IGSF21: variants seen among roughly 807,000 people sequenced by gnomAD.
The protein encoded by IGSF21 is immunoglobin superfamily member 21, also known as immunoglobulin superfamily member 21.
In IGSF21, 28 loss-of-function variants were observed where a neutral mutation model predicts 46.8. The ratio of observed to expected loss-of-function variants is 0.60; its 90% confidence interval spans 0.44 to 0.82. The LOEUF is 0.82. Among genes scored for constraint, IGSF21 ranks in the 40% least tolerant of loss-of-function variants. The pLI, the probability that IGSF21 is intolerant of heterozygous loss-of-function variation, is 0.00. For synonymous variants in IGSF21, 284 were observed against 273.6 expected (o/e 1.04, Z -0.38); for missense variants, 624 against 665.5 (o/e 0.94, Z 0.69).
intron 3 of IGSF21, among the ~76,000 whole-genome samples, chr1:18,302,934 A>G (rs1242842656): frequency 6.6e-6 from 1 of 152,100 alleles, no homozygotes; most frequent in Non-Finnish European, 1.5e-5. Flanking sequence ...GGCCACTGGA[A>G]CTCCCAGAAC....
At chr1:18,305,971 T>C (rs948367865) in intron 3 of IGSF21, among the ~76,000 whole-genome samples, 1 of 152,194 alleles carries the variant, frequency 6.6e-6, no homozygotes, top group African/African-American at 2.4e-5. Context: ...GCTATAGTTT[T>C]CTTTCCAGCT....
intron 3 of IGSF21, among the ~76,000 whole-genome samples, chr1:18,297,887 G>A (rs1173160063): frequency 1.3e-5 from 2 of 152,108 alleles, no homozygotes; most frequent in African/African-American, 2.4e-5. Flanking sequence ...GGATCCGGAA[G>A]GCCAACTGAA....
intron 2 of IGSF21, among the ~76,000 whole-genome samples, chr1:18,261,092 G>T (rs972552249): frequency 7.2e-5 from 11 of 152,222 alleles, no homozygotes; most frequent in Non-Finnish European, 1.5e-4. Context: ...GGAGCACCCA[G>T]CTGGGGACCC....
At position 18,228,020 on chromosome 1, in the gene IGSF21, T is replaced by C. The variant is rs776748557; in HGVS notation, c.183+10T>C. 1.3e-6 allele frequency: 2 copies of C among 1,595,604 alleles called. No individual in the cohort carries two copies. The highest frequency in any genetic ancestry group is 1.7e-5 in the Admixed American group (1 of 59,994). ...GATCGTGTGGTACCGGGTAAGTCAC[T>C]ACTACTGCCCCCTTCATGCCCATGG... On this transcript the variant is annotated intron_variant, in intron 2 of 9. Coordinates refer to ENST00000251296, the MANE Select transcript of IGSF21 (RefSeq NM_032880.5).
chr1:18,127,535 G>A (rs976090878), intron 1 of IGSF21, among the ~76,000 whole-genome samples: 11 of 152,006 alleles, frequency 7.2e-5, no homozygotes, highest in African/African-American at 2.2e-4. Context: ...GTCTGAATGA[G>A]AGCTGAGCCA....
At chr1:18,268,195 C>T (rs577866304) in intron 2 of IGSF21, among the ~76,000 whole-genome samples, 3 of 152,322 alleles carry the variant, frequency 2.0e-5, no homozygotes, top group East Asian at 3.9e-4. Context: ...TAATCTACTT[C>T]GACTGATCAT....
At chr1:18,250,804 G>A (rs2084834605) in intron 2 of IGSF21, among the ~76,000 whole-genome samples, 1 of 152,178 alleles carries the variant, frequency 6.6e-6, no homozygotes, top group African/African-American at 2.4e-5. Context: ...GCACCAGGAT[G>A]TAATGGTGAA....
intron 2 of IGSF21, among the ~76,000 whole-genome samples, chr1:18,283,329 C>A (rs1376565384): frequency 6.6e-6 from 1 of 152,236 alleles, no homozygotes; most frequent in Non-Finnish European, 1.5e-5. Flanking sequence ...CAGGGACTGC[C>A]CAGAGAGGTG....
At chr1:18,158,225 T>G (rs778300646) in intron 1 of IGSF21, among the ~76,000 whole-genome samples, 6 of 152,124 alleles carry the variant, frequency 3.9e-5, no homozygotes, top group Non-Finnish European at 7.4e-5. Context: ...CCCCTGATGG[T>G]GTTCACATCC....
intron 3 of IGSF21, among the ~76,000 whole-genome samples, chr1:18,301,252 C>T (rs1211155853): frequency 6.6e-6 from 1 of 152,222 alleles, no homozygotes; most frequent in African/African-American, 2.4e-5. Context: ...GCCATTGGAG[C>T]CAGGTCCACT....
intron 1 of IGSF21, among the ~76,000 whole-genome samples, chr1:18,172,861 T>A (rs1228665257): frequency 2.0e-5 from 3 of 152,176 alleles, no homozygotes; most frequent in Admixed American, 1.3e-4. Flanking sequence ...TGAACAGAAG[T>A]CTGCACTTTA....
At chr1:18,354,348 G>A (rs909474841) in intron 4 of IGSF21, among the ~76,000 whole-genome samples, 2 of 152,118 alleles carry the variant, frequency 1.3e-5, no homozygotes, top group Non-Finnish European at 2.9e-5. Context: ...GGTTCTTGAA[G>A]GAGCAGAGAG....
intron 4 of IGSF21, among the ~76,000 whole-genome samples, chr1:18,350,138 T>G (rs2085936767): frequency 6.6e-6 from 1 of 152,094 alleles, no homozygotes; most frequent in African/African-American, 2.4e-5. Context: ...CACTGTCCAC[T>G]TGGCTTGGCC....
intron 3 of IGSF21, among the ~76,000 whole-genome samples, chr1:18,312,002 C>G (rs1203478165): frequency 2.0e-5 from 3 of 152,192 alleles, no homozygotes; most frequent in Admixed American, 2.0e-4. Flanking sequence ...CCAGAGAGGC[C>G]TTCCCTGACC....
intron 6 of IGSF21, among the ~76,000 whole-genome samples, chr1:18,372,121 G>A (rs1202391378): frequency 6.6e-6 from 1 of 152,206 alleles, no homozygotes; most frequent in East Asian, 1.9e-4. Context: ...TGGCACATGG[G>A]CAGGGTCTTC....
At chr1:18,150,967 C>T (rs2086516792) in intron 1 of IGSF21, among the ~76,000 whole-genome samples, 1 of 152,184 alleles carries the variant, frequency 6.6e-6, no homozygotes, top group South Asian at 2.1e-4. Context: ...GGAAAAAAAG[C>T]AGGGGTGGTG....
At chr1:18,272,935 C>T (rs1024815417) in intron 2 of IGSF21, among the ~76,000 whole-genome samples, 1 of 152,004 alleles carries the variant, frequency 6.6e-6, no homozygotes, top group Non-Finnish European at 1.5e-5. Context: ...AGCCTCTGTC[C>T]ACTTTATGCT....
intron 3 of IGSF21, among the ~76,000 whole-genome samples, chr1:18,329,796 T>A (rs1048341086): frequency 2.0e-5 from 3 of 152,166 alleles, no homozygotes; most frequent in Admixed American, 1.3e-4. Flanking sequence ...ATGGCATACT[T>A]CTGTTGAAGG....
At chr1:18,125,964 T>C (rs2086271682) in intron 1 of IGSF21, among the ~76,000 whole-genome samples, 1 of 152,162 alleles carries the variant, frequency 6.6e-6, no homozygotes, top group Non-Finnish European at 1.5e-5. Context: ...GAAGCCAGGA[T>C]AACCCAGTTA....
Sources: allele counts gnomAD v4.1 joint callset (sites outside exome capture counted in the v4.1 genomes callset), GRCh38; gene constraint gnomAD v4.1.1; transcripts MANE v1.5; gene names NCBI Gene and HGNC (gene_info 2026-07-23, HGNC 2026-07-21).